Variants in ALK observed in about 807,000 individuals in gnomAD.
The protein encoded by ALK is ALK receptor tyrosine kinase.
ALK carries 74 observed loss-of-function variants against 163.1 expected under a neutral mutation model. That is an observed-to-expected ratio of 0.45 (90% CI 0.38 to 0.55). The LOEUF (loss-of-function observed/expected upper bound fraction) is 0.55, where lower values mean the gene tolerates loss of function less well. Ranked by LOEUF, ALK falls within the 20% of genes least tolerant of loss-of-function variation. The pLI is 0.00. For missense variants in ALK, 2,063 were observed against 2,105.3 expected, an observed-to-expected ratio of 0.98 and a Z score of 0.39; for synonymous variants, 960 against 843.2, an observed-to-expected ratio of 1.14 and a Z score of -2.40.
chr2:29,360,911 G>T (rs1341260682), intron 5 of ALK, among the ~76,000 whole-genome samples: 2 of 152,276 alleles, frequency 1.3e-5, no homozygotes, highest in African/African-American at 2.4e-5. Flanking sequence ...CTTCACTTTG[G>T]ATTGGACCCT....
intron 3 of ALK, among the ~76,000 whole-genome samples, chr2:29,638,878 G>T (rs977494621): frequency 6.6e-6 from 1 of 152,094 alleles, no homozygotes; most frequent in Admixed American, 6.6e-5. Context: ...CAGAGAATGA[G>T]GCTCCTTCAC....
At chr2:29,667,569 G>A (rs979739681) in intron 3 of ALK, among the ~76,000 whole-genome samples, 1 of 151,678 alleles carries the variant, frequency 6.6e-6, no homozygotes, top group Admixed American at 6.6e-5. Context: ...GAGTCCTCAG[G>A]TTTTTCTAGG....
intron 6 of ALK, among the ~76,000 whole-genome samples, chr2:29,323,083 G>A (rs1667122848): frequency 6.6e-6 from 1 of 152,156 alleles, no homozygotes; most frequent in Non-Finnish European, 1.5e-5. Flanking sequence ...TTCCTGCTTT[G>A]TGACCTTACA....
chr2:29,392,393 G>C (rs1479766759), intron 4 of ALK, among the ~76,000 whole-genome samples: 1 of 152,200 alleles, frequency 6.6e-6, no homozygotes, highest in Non-Finnish European at 1.5e-5. Context: ...CCAAATGCAA[G>C]TAACTCATTT....
At chr2:29,515,856 C>G (rs1672646754) in intron 4 of ALK, among the ~76,000 whole-genome samples, 1 of 152,212 alleles carries the variant, frequency 6.6e-6, no homozygotes, top group South Asian at 2.1e-4. Context: ...TCAAAAGGCA[C>G]AGGCAAGAGG....
chr2:29,736,602 A>C (rs1679898788), intron 1 of ALK, among the ~76,000 whole-genome samples: 1 of 152,106 alleles, frequency 6.6e-6, no homozygotes, highest in Non-Finnish European at 1.5e-5. Flanking sequence ...AAAGAGGACC[A>C]AGATTAAGGC....
Position 29,223,350 on chromosome 2 carries a change from G to A in ALK, c.3351C>T (p.Thr1117=), listed in dbSNP as rs1246955672. The change falls in exon 20 of 29, where the codon ACC becomes ACT. Residue 1117 remains threonine (T), a synonymous_variant. Coordinates refer to ENST00000389048, the MANE Select transcript of ALK (RefSeq NM_004304.5). ...DLKEVPRKNI[T]LIRGLGHGAF... is the part of the protein sequence containing the mutation. ...GGCAGCAGGGCGCTCACCGAATGAG[G>A]GTGATGTTTTTCCGCGGCACCTCCT... is the stretch of plus-strand genomic sequence containing the variant. 1 of 1,614,120 alleles carries A rather than the reference G, an allele frequency of 6.2e-7. No individual in the cohort carries two copies. Among genetic ancestry groups the A allele is most frequent in the Admixed American group, 1.7e-5 (1 of 60,028 alleles).
At chr2:29,453,245 T>G (rs1017442337) in intron 4 of ALK, among the ~76,000 whole-genome samples, 5 of 152,218 alleles carry the variant, frequency 3.3e-5, no homozygotes, top group African/African-American at 1.2e-4. Flanking sequence ...CAATTCTTTT[T>G]TTCTGAGACA....
At chr2:29,655,441 A>G (rs1329154552) in intron 3 of ALK, among the ~76,000 whole-genome samples, 2 of 152,206 alleles carry the variant, frequency 1.3e-5, no homozygotes, top group East Asian at 3.9e-4. Context: ...GGTAAAAGAA[A>G]AAAATGCTGA....
chr2:29,341,323 C>T (rs1881425), intron 5 of ALK, among the ~76,000 whole-genome samples: 110,373 of 152,138 alleles, frequency 0.73, 40,616 homozygotes, highest in East Asian at 0.98. Flanking sequence ...TGGCTGCCCA[C>T]TCATACCTGC....
intron 3 of ALK, among the ~76,000 whole-genome samples, chr2:29,652,528 T>C (rs928981648): frequency 2.0e-5 from 3 of 152,184 alleles, no homozygotes; most frequent in Non-Finnish European, 4.4e-5. Context: ...CATTTTTGTA[T>C]GCTAATGATT....
At chr2:29,229,917 G>A (rs1261586535) in intron 15 of ALK, among the ~76,000 whole-genome samples, 2 of 152,208 alleles carry the variant, frequency 1.3e-5, no homozygotes, top group Non-Finnish European at 2.9e-5. Context: ...GCTTCCCAAT[G>A]CCTGGGGCTG....
chr2:29,899,094 A>G (rs947423745), intron 1 of ALK, among the ~76,000 whole-genome samples: 12 of 152,136 alleles, frequency 7.9e-5, no homozygotes, highest in Non-Finnish European at 1.6e-4. Flanking sequence ...TTAGAACTGC[A>G]AATTCTCAGG....
At chr2:29,420,763 A>G (rs1160011525) in intron 4 of ALK, among the ~76,000 whole-genome samples, 3 of 151,684 alleles carry the variant, frequency 2.0e-5, no homozygotes, top group South Asian at 2.1e-4. Context: ...CCCGCTTTGC[A>G]GTCCCAGCAC....
intron 4 of ALK, among the ~76,000 whole-genome samples, chr2:29,527,184 A>G (rs1267245164): frequency 6.6e-6 from 1 of 152,222 alleles, no homozygotes; most frequent in African/African-American, 2.4e-5. Flanking sequence ...CGGTGGAATC[A>G]GGATTGAAAC....
rs955876808 is a variant in ALK, at chr2:29,679,768, T to C, written c.952+15082A>G. On this transcript the variant is annotated intron_variant, in intron 3 of 28. Coordinates refer to ENST00000389048, the MANE Select transcript of ALK (RefSeq NM_004304.5). The stretch of plus-strand genomic sequence containing the variant: ...TTTAAGCCTTTTATATTAACCCATA[T>C]GTTTACTATTTCTAGTACTCTTCAT... Among the ~76,000 whole-genome samples the C allele has an allele frequency of 7.9e-5, 12 of 152,098 alleles. No homozygotes were observed. In the Middle Eastern group the frequency reaches 0.017, roughly 216 times the overall value.
At chr2:29,662,717 CCT>C (rs1250935433) in intron 3 of ALK, among the ~76,000 whole-genome samples, 1 of 100,400 alleles carries the variant, frequency 1.0e-5, no homozygotes, top group South Asian at 3.5e-4. Context: ...CCAGAAATAT[CCT>C]CTCATTGTTT....
chr2:29,644,062 G>A (rs1558422856), intron 3 of ALK, among the ~76,000 whole-genome samples: 1 of 152,000 alleles, frequency 6.6e-6, no homozygotes, highest in Non-Finnish European at 1.5e-5. Context: ...GGAATACTAT[G>A]CAGCCATAAA....
At chr2:29,505,904 G>GT (rs1672306536) in intron 4 of ALK, among the ~76,000 whole-genome samples, 1 of 151,792 alleles carries the variant, frequency 6.6e-6, no homozygotes, top group Admixed American at 6.6e-5. Flanking sequence ...CTGACATAAT[G>GT]TAAGTGGCTG....
Sources: allele counts gnomAD v4.1 joint callset (sites outside exome capture counted in the v4.1 genomes callset), GRCh38; gene constraint gnomAD v4.1.1; transcripts MANE v1.5; gene names NCBI Gene and HGNC (gene_info 2026-07-23, HGNC 2026-07-21).